The following KAT6B variants were observed in gnomAD, a reference collection of about 807,000 sequenced individuals.
KAT6B encodes lysine acetyltransferase 6B, also known as histone acetyltransferase KAT6B.
KAT6B carries 10 observed loss-of-function variants against 187.5 expected under a neutral mutation model. That is an observed-to-expected ratio of 0.05 (90% CI 0.03 to 0.09). KAT6B has a LOEUF of 0.09. Ranked by LOEUF, KAT6B falls within the 10% of genes least tolerant of loss-of-function variation. KAT6B has a pLI of 1.00. For synonymous variants in KAT6B, 861 were observed against 926.8 expected (o/e 0.93, Z 1.29); for missense variants, 1,952 against 2,558.9 (o/e 0.76, Z 5.12).
At chr10:74,866,391 A>G (rs536692386) in intron 3 of KAT6B, among the ~76,000 whole-genome samples, 3 of 152,236 alleles carry the variant, frequency 2.0e-5, no homozygotes, top group Admixed American at 1.3e-4. Context: ...ATATAGACAG[A>G]TATAGATAAA....
intron 4 of KAT6B, among the ~76,000 whole-genome samples, chr10:74,965,506 C>T (rs1841397804): frequency 6.6e-6 from 1 of 152,146 alleles, no homozygotes; most frequent in Non-Finnish European, 1.5e-5. Flanking sequence ...GAGAGATGGA[C>T]AGATGGATGG....
At position 74,985,218 on chromosome 10, in the gene KAT6B, C is replaced by A; in HGVS notation, c.2512C>A (p.His838Asn). The change falls in exon 12 of 18, where the codon CAT (histidine) becomes AAT (asparagine). Residue 838 changes from histidine (H) to asparagine (N), a missense_variant. By Grantham distance (68) the His-to-Asn change is moderately conservative (BLOSUM62 1). Transcript: ENST00000287239. ...TACAAAAAATGATGAAAAGGGCTGT[C>A]ATCTGGTTGGATACTTCTCTAAGGT... is the stretch of plus-strand genomic sequence containing the variant. The part of the protein sequence containing the change: ...VLTKNDEKGC[H>N]LVGYFSKEKL... 6.2e-7 allele frequency: 1 copy of A among 1,614,060 alleles called. No homozygotes were observed.
intron 13 of KAT6B, among the ~76,000 whole-genome samples, chr10:74,991,470 T>C (rs1843121203): frequency 6.6e-6 from 1 of 152,206 alleles, no homozygotes; most frequent in African/African-American, 2.4e-5. Context: ...AAATGCTATG[T>C]CTTTTTTTTA....
At position 74,929,501 on chromosome 10, in the gene KAT6B, C is replaced by T. The variant is rs543992029; in HGVS notation, c.622-30469C>T. 3.3e-5 allele frequency among the ~76,000 whole-genome samples: 5 copies of T among 152,160 alleles called. No individual in the cohort carries two copies. In the South Asian group the frequency reaches 8.3e-4, roughly 25 times the overall value. On this transcript the variant is annotated intron_variant, in intron 3 of 17. Transcript: ENST00000287239. ...CCAGTGTATTATTTATCATCATATA[C>T]AGGACATAGTCCAAGACACAATCCT...
intron 2 of KAT6B, among the ~76,000 whole-genome samples, chr10:74,840,034 C>T (rs1000011752): frequency 1.3e-5 from 2 of 152,118 alleles, no homozygotes; most frequent in African/African-American, 2.4e-5. Flanking sequence ...CGGTAATAAA[C>T]GTTAAATTGC....
In KAT6B at chr10:74,972,585, G is replaced by A. The variant is rs1257245803; in HGVS notation, c.1007G>A (p.Arg336Gln). 7 of 1,613,054 alleles carry A rather than the reference G, an allele frequency of 4.3e-6. No homozygotes were observed. Among genetic ancestry groups the A allele is most frequent in the African/African-American group, 1.3e-5 (1 of 74,954 alleles). ...LLHEKAAQIK[R>Q]RYAKPIGRPK... ...CATGAGAAAGCTGCACAAATAAAAC[G>A]ACGATATGCAAAACCCATTGGACGA... Residue 336 changes from arginine to glutamine, a missense_variant, in exon 7 of 18, where the codon CGA becomes CAA. By Grantham distance (43) the Arg-to-Gln change is conservative (BLOSUM62 1). Around this residue, in one of 9 missense-constraint regions of KAT6B, gnomAD observed 417 missense variants for 508.9 expected, o/e 0.82. Coordinates refer to ENST00000287239, the MANE Select transcript of KAT6B (RefSeq NM_012330.4).
chr10:74,954,172 C>T (rs1303944548), intron 3 of KAT6B, among the ~76,000 whole-genome samples: 3 of 152,230 alleles, frequency 2.0e-5, no homozygotes, highest in African/African-American at 7.2e-5. Flanking sequence ...CATCCAGTCT[C>T]TCCATGGCCT....
At chr10:74,958,668 A>G (rs766469671) in intron 3 of KAT6B, among the ~76,000 whole-genome samples, 6 of 152,220 alleles carry the variant, frequency 3.9e-5, no homozygotes, top group African/African-American at 4.8e-5. Flanking sequence ...AGATTTATAC[A>G]TTGTTAAAAG....
chr10:74,973,734 T>C (rs1436461779), intron 7 of KAT6B, among the ~76,000 whole-genome samples: 1 of 152,194 alleles, frequency 6.6e-6, no homozygotes, highest in African/African-American at 2.4e-5. Context: ...TTCAATAGAT[T>C]TTGAAAAAAT....
intron 3 of KAT6B, among the ~76,000 whole-genome samples, chr10:74,896,345 A>G (rs1210074347): frequency 6.6e-6 from 1 of 152,172 alleles, no homozygotes; most frequent in African/African-American, 2.4e-5. Flanking sequence ...GCTGGAGTAC[A>G]GTGGCACGGG....
chr10:74,843,068 T>C lies in KAT6B; in HGVS notation c.211T>C (p.Tyr71His). 1.2e-6 allele frequency: 2 copies of C among 1,614,220 alleles called. No homozygotes were observed. Among genetic ancestry groups the C allele is most frequent in the Non-Finnish European group, 8.5e-7 (1 of 1,180,042 alleles). ...LKVTNKGLAS[Y>H]KDPDNPGRFS... ...AGTCACCAACAAAGGCCTTGCCTCCTATAAGGACCCAGACAACCCTGGGCG... is the reference window on the plus strand; with the variant it reads ...AGTCACCAACAAAGGCCTTGCCTCCCATAAGGACCCAGACAACCCTGGGCG... Residue 71 changes from tyrosine (Y) to histidine (H), a missense_variant, in exon 3 of 18, where the codon TAT becomes CAT. Tyr to His is a moderately conservative substitution (Grantham distance 83). This residue lies in a region of KAT6B where 218 missense variants were observed against 282.6 expected (regional missense o/e 0.77). Coordinates refer to ENST00000287239, the MANE Select transcript of KAT6B (RefSeq NM_012330.4).
chr10:74,916,934 T>C (rs1444664865), intron 3 of KAT6B, among the ~76,000 whole-genome samples: 1 of 152,112 alleles, frequency 6.6e-6, no homozygotes, highest in Admixed American at 6.5e-5. Flanking sequence ...CAAAACCCTG[T>C]CTCTACAAAA....
intron 1 of KAT6B, among the ~76,000 whole-genome samples, chr10:74,837,408 C>T (rs1459882253): frequency 1.3e-5 from 2 of 151,948 alleles, no homozygotes; most frequent in Admixed American, 6.6e-5. Flanking sequence ...TTTTTGATAG[C>T]CTTTTAGTCC....
chr10:75,018,509 C>T (rs942773072), intron 13 of KAT6B, among the ~76,000 whole-genome samples: 4 of 152,218 alleles, frequency 2.6e-5, no homozygotes, highest in South Asian at 2.1e-4. Flanking sequence ...TGCACCACTT[C>T]GGGGTGTGAA....
intron 13 of KAT6B, among the ~76,000 whole-genome samples, chr10:75,009,278 A>G (rs186063910): frequency 3.9e-5 from 6 of 152,342 alleles, no homozygotes; most frequent in African/African-American, 1.4e-4. Flanking sequence ...ACCAGCTAAC[A>G]AATTAAACTC....
chr10:74,912,894 A>G (rs997550971), intron 3 of KAT6B, among the ~76,000 whole-genome samples: 5 of 152,178 alleles, frequency 3.3e-5, no homozygotes, highest in African/African-American at 4.8e-5. Context: ...AGCCCCAGGG[A>G]GCCAGCAGCT....
chr10:75,022,272 A>C, intron 16 of KAT6B, 41 bp downstream of exon 16: 1 of 1,608,040 alleles, frequency 6.2e-7, no homozygotes, highest in African/African-American at 1.3e-5. Context: ...GCGTTCAATC[A>C]AATCTTATTT....
At chr10:75,006,287 T>TAAG (rs1435790581) in intron 13 of KAT6B, among the ~76,000 whole-genome samples, 1 of 152,206 alleles carries the variant, frequency 6.6e-6, no homozygotes, top group African/African-American at 2.4e-5. Flanking sequence ...CACAAGTTCA[T>TAAG]AATGATACTA....
chr10:74,980,197 A>G (rs1481243060), intron 10 of KAT6B, among the ~76,000 whole-genome samples: 4 of 152,182 alleles, frequency 2.6e-5, no homozygotes, highest in Non-Finnish European at 4.4e-5. Context: ...AATGGTATCC[A>G]AGTTTTTGTT....
Sources: gnomAD v4.1 joint callset for allele counts (sites outside exome capture counted in the v4.1 genomes callset) on GRCh38, gnomAD v4.1.1 for gene constraint, gnomAD v4.1.1 regional missense constraint, MANE v1.5 for transcripts, NCBI Gene and HGNC (gene_info 2026-07-23, HGNC 2026-07-21) for gene names.